The following BLTP1 variants were observed in gnomAD, a reference collection of about 807,000 sequenced individuals.
BLTP1 encodes bridge-like lipid transfer protein family member 1, also known as fragile site-associated protein.
At chr4:122,351,925 C>A in the BLTP1 span, among the ~76,000 whole-genome samples, 2,070 of 152,242 alleles carry the variant, frequency 0.014, 50 homozygotes, top group African/African-American at 0.046. Flanking sequence ...CCAAAAGGAA[C>A]ATTATTGGAA....
At chr4:122,292,716 A>T in the BLTP1 span, 71 of 472,174 alleles carry the variant, frequency 1.5e-4, no homozygotes, top group Admixed American at 4.5e-3. Context: ...TTGCCTGGTT[A>T]TGAGAATAAC....
At chr4:122,210,880 A>G in the BLTP1 span, 1 of 1,608,486 alleles carries the variant, frequency 6.2e-7, no homozygotes, top group Non-Finnish European at 8.5e-7. Flanking sequence ...TTCTTAATTT[A>G]TTACAGTATC....
chr4:122,258,714 A>T, the BLTP1 span: 1 of 1,613,486 alleles, frequency 6.2e-7, no homozygotes, highest in Non-Finnish European at 8.5e-7. Context: ...CAGTCAGTGA[A>T]CACACAATGC....
chr4:122,167,508 C>G, the BLTP1 span: 1 of 198,252 alleles, frequency 5.0e-6, no homozygotes, highest in Non-Finnish European at 9.1e-6. Context: ...TGCTCAGGCT[C>G]TCATTCCTCT....
chr4:122,237,372 C>T, the BLTP1 span: 13 of 984,922 alleles, frequency 1.3e-5, no homozygotes, highest in Non-Finnish European at 1.6e-5. Flanking sequence ...ATCCTAAAGT[C>T]GTTATTTGTT....
the BLTP1 span, among the ~76,000 whole-genome samples, chr4:122,180,441 T>G: frequency 6.6e-6 from 1 of 152,210 alleles, no homozygotes; most frequent in Non-Finnish European, 1.5e-5. Flanking sequence ...TCAGCTCTAT[T>G]GCACTCTTGC....
chr4:122,231,928 G>T, the BLTP1 span: 1 of 737,318 alleles, frequency 1.4e-6, no homozygotes, highest in Non-Finnish European at 1.7e-6. Flanking sequence ...ACATATATCC[G>T]AGTATGAAAG....
chr4:122,179,521 T>C, the BLTP1 span, among the ~76,000 whole-genome samples: 2 of 152,114 alleles, frequency 1.3e-5, no homozygotes, highest in African/African-American at 4.8e-5. Context: ...TCTTTTTTGT[T>C]AATATTCCTA....
At chr4:122,173,282 G>C in the BLTP1 span, 6 of 1,003,096 alleles carry the variant, frequency 6.0e-6, no homozygotes, top group Non-Finnish European at 8.7e-6. Flanking sequence ...ATGTCTGATA[G>C]TTCTGGAGGC....
At chr4:122,239,265 A>T in the BLTP1 span, among the ~76,000 whole-genome samples, 7 of 152,144 alleles carry the variant, frequency 4.6e-5, no homozygotes, top group Admixed American at 4.6e-4. Context: ...TGGATAGAAG[A>T]TTACATTCTG....
At chr4:122,189,233 G>GA in the BLTP1 span, 1 of 879,448 alleles carries the variant, frequency 1.1e-6, no homozygotes. Context: ...TACATATTTA[G>GA]AAAAAAATTG....
chr4:122,168,563 G>A, the BLTP1 span, among the ~76,000 whole-genome samples: 4 of 151,762 alleles, frequency 2.6e-5, no homozygotes, highest in Non-Finnish European at 5.9e-5. Flanking sequence ...TTTTTTCAAA[G>A]TATTTGCTTC....
At chr4:122,291,827 G>A in the BLTP1 span, 5 of 979,172 alleles carry the variant, frequency 5.1e-6, no homozygotes, top group Non-Finnish European at 6.1e-6. Flanking sequence ...TAAAATTATT[G>A]TTTAGTATGT....
chr4:122,266,683 G>GAGGT, the BLTP1 span: 1 of 1,053,736 alleles, frequency 9.5e-7, no homozygotes, highest in Non-Finnish European at 1.3e-6. Flanking sequence ...AATATGTACT[G>GAGGT]AGGTAGGGTA....
At chr4:122,207,515 T>TTC in the BLTP1 span, 36 of 412,758 alleles carry the variant, frequency 8.7e-5, no homozygotes, top group East Asian at 5.6e-4. Context: ...CTTTTTCTTC[T>TTC]TTTTTTTTTT....
the BLTP1 span, chr4:122,153,101 T>G: frequency 1.1e-6 from 1 of 893,480 alleles, no homozygotes; most frequent in Admixed American, 6.2e-5. Context: ...AATTTCCTAT[T>G]GGTCAAAGGA....
the BLTP1 span, among the ~76,000 whole-genome samples, chr4:122,354,279 A>T: frequency 0.25 from 38,050 of 152,116 alleles, 5,724 homozygotes; most frequent in Middle Eastern, 0.51. Flanking sequence ...TACATTGAGA[A>T]ATATTTTAGG....
chr4:122,238,346 G>A, the BLTP1 span: 1 of 1,613,108 alleles, frequency 6.2e-7, no homozygotes, highest in Admixed American at 1.7e-5. Context: ...TGATGGCCAA[G>A]CAAGGTCAGT....
chr4:122,222,890 T>C, the BLTP1 span: 2 of 618,890 alleles, frequency 3.2e-6, no homozygotes, highest in Admixed American at 6.4e-5. Flanking sequence ...TGATGCAAAC[T>C]GTAATAACAT....
Sources: allele counts gnomAD v4.1 joint callset (sites outside exome capture counted in the v4.1 genomes callset), GRCh38; gene constraint gnomAD v4.1.1; transcripts MANE v1.5; gene names NCBI Gene and HGNC (gene_info 2026-07-23, HGNC 2026-07-21).